The following CERS2 variants were observed in gnomAD, a reference collection of about 807,000 sequenced individuals.
The protein encoded by CERS2 is LAG1 homolog, ceramide synthase 2.
Under a neutral mutation model 56.6 loss-of-function variants are expected in CERS2, and 20 were observed. The observed-to-expected ratio is 0.35, with a 90% CI of 0.25 to 0.51. CERS2 has a LOEUF of 0.51. Ranked by LOEUF, CERS2 falls within the 20% of genes least tolerant of loss-of-function variation. The pLI is 0.96. For synonymous variants in CERS2, 187 were observed against 175.4 expected (o/e 1.07, Z -0.52); for missense variants, 361 against 488.6 (o/e 0.74, Z 2.46).
chr1:150,973,117 A>G (rs1423821816), intron 1 of CERS2: 2 of 152,272 alleles, frequency 1.3e-5, no homozygotes, highest in Non-Finnish European at 2.9e-5. Context: ...TTCAGGCAAC[A>G]GAAGCAGGTC....
In CERS2 at chr1:150,966,303, CAAG is replaced by C. The variant is rs778013552; in HGVS notation, c.1003-18_1003-16del. ...TCTTCTACCAGCTGTGGAAAAGGGA[CAAG>C]AAGGGTTATTACATGAGATCCTCAA... On this transcript the variant is annotated splice_polypyrimidine_tract_variant and intron_variant, in intron 10 of 10. Coordinates refer to ENST00000368954, the MANE Select transcript of CERS2 (RefSeq NM_022075.5). 862 of 1,611,702 alleles carry C rather than the reference CAAG, an allele frequency of 5.3e-4. 2 individuals are homozygous for C. The highest frequency in any genetic ancestry group is 7.1e-4 in the Non-Finnish European group (836 of 1,179,406).
chr1:150,973,502 C>T (rs772831050), intron 1 of CERS2, among the ~76,000 whole-genome samples: 3 of 152,218 alleles, frequency 2.0e-5, no homozygotes, highest in Non-Finnish European at 4.4e-5. Flanking sequence ...AAGTGGGGGA[C>T]CAGGGGAGAA....
intron 7 of CERS2, 71 bp downstream of exon 7, chr1:150,967,321 C>T: frequency 6.3e-6 from 9 of 1,430,528 alleles, no homozygotes; most frequent in Non-Finnish European, 8.9e-6. Context: ...ACCCAGAAGT[C>T]AAAGGAGAGG....
At chr1:150,966,394 T>G (rs587715315) in intron 10 of CERS2, 82 bp downstream of exon 10, 7 of 1,600,528 alleles carry the variant, frequency 4.4e-6, no homozygotes, top group African/African-American at 1.3e-5. Flanking sequence ...CCACACTAGT[T>G]TTTTAGAGAG....
chr1:150,966,161 C>A lies in CERS2; in HGVS notation c.1130G>T (p.Arg377Leu), dbSNP rs779228104. 6.2e-7 allele frequency: 1 copy of A among 1,610,588 alleles called. No homozygotes were observed. Among genetic ancestry groups the A allele is most frequent in the Admixed American group, 1.7e-5 (1 of 58,582 alleles). Residue 377 changes from arginine to leucine, a missense_variant, in exon 11 of 11, where the codon CGT becomes CTT. This residue lies in a region of CERS2 where 122 missense variants were observed against 151.9 expected (regional missense o/e 0.80). Transcript: ENST00000368954. ...TGGAGTAATGGTTCAGTCATTCTTA[C>A]GATGGTTGTTATTGAGGATGGGGTG... ...NGHPILNNNH[R>L]KND is the part of the protein sequence containing the mutation.
At chr1:150,974,448 C>A in intron 1 of CERS2, 171 bp downstream of exon 1, 1 of 149,488 alleles carries the variant, frequency 6.7e-6, no homozygotes, top group South Asian at 1.8e-4. Flanking sequence ...CCATGAGCGC[C>A]CGCAGCGCCC....
intron 1 of CERS2, among the ~76,000 whole-genome samples, chr1:150,973,586 G>A (rs1431275560): frequency 6.6e-6 from 1 of 152,228 alleles, no homozygotes; most frequent in African/African-American, 2.4e-5. Context: ...CAGGACTGCA[G>A]GCAAGTCCTT....
At chr1:150,973,219 G>A (rs587774324) in intron 1 of CERS2, 2 of 152,418 alleles carry the variant, frequency 1.3e-5, no homozygotes, top group East Asian at 3.9e-4. Context: ...AAGCCAGATT[G>A]TAAAAAAGAG....
chr1:150,974,114 G>C (rs1298217360), intron 1 of CERS2: 1 of 152,320 alleles, frequency 6.6e-6, no homozygotes, highest in Non-Finnish European at 1.5e-5. Flanking sequence ...ACGGTGGGCC[G>C]GTAGGAAGAA....
intron 1 of CERS2, among the ~76,000 whole-genome samples, chr1:150,973,605 G>T (rs936621411): frequency 6.6e-6 from 1 of 152,184 alleles, no homozygotes; most frequent in African/African-American, 2.4e-5. Context: ...TTACCCTTAG[G>T]AGCCCCTTTA....
intron 5 of CERS2, 47 bp from the exon 6 acceptor site, chr1:150,967,761 ATGGCCTCACC>A: frequency 6.2e-7 from 1 of 1,607,248 alleles, no homozygotes; most frequent in Non-Finnish European, 8.5e-7. Flanking sequence ...CCCAAATTCC[ATGGCCTCACC>A]TGACCTTGCC....
At chr1:150,969,143 GAGAT>G in intron 1 of CERS2, 52 bp from the exon 2 acceptor site, 1 of 1,532,666 alleles carries the variant, frequency 6.5e-7, no homozygotes, top group Non-Finnish European at 9.0e-7. Context: ...TATGGAGGAA[GAGAT>G]AGATGAATAA....
At chr1:150,974,117 AG>A (rs1401110338) in intron 1 of CERS2, 3 of 152,318 alleles carry the variant, frequency 2.0e-5, no homozygotes, top group African/African-American at 7.2e-5. Flanking sequence ...GTGGGCCGGT[AG>A]GAAGAAAACG....
chr1:150,967,355 T>G (rs912274651), intron 7 of CERS2, 37 bp downstream of exon 7: 1 of 1,462,348 alleles, frequency 6.8e-7, no homozygotes, highest in East Asian at 2.3e-5. Flanking sequence ...GGCCTCATTT[T>G]GGCTCTGAGG....
intron 3 of CERS2, 80 bp downstream of exon 3, chr1:150,968,315 G>T: frequency 1.4e-6 from 2 of 1,469,142 alleles, no homozygotes; most frequent in Non-Finnish European, 1.9e-6. Flanking sequence ...CTCTTCACCT[G>T]CCAGAGCTAA....
chr1:150,966,335 C>T lies in CERS2; in HGVS notation c.1003-47G>A, dbSNP rs200766311. The T allele has an allele frequency of 2.1e-5, 33 of 1,605,050 alleles. No individual in the cohort carries two copies. In the East Asian group the frequency reaches 7.1e-4, roughly 35 times the overall value. Reference sequence around the variant, plus strand: ...GGTTATTACATGAGATCCTCAAACCCCTAAGTACTGCTTCTCTCTGAGGGC... The same window carrying T: ...GGTTATTACATGAGATCCTCAAACCTCTAAGTACTGCTTCTCTCTGAGGGC... On this transcript the variant is annotated intron_variant, in intron 10 of 10. Transcript: ENST00000368954.
At chr1:150,968,337 T>C in intron 3 of CERS2, 58 bp downstream of exon 3, 2 of 1,515,978 alleles carry the variant, frequency 1.3e-6, no homozygotes, top group East Asian at 2.3e-5. Flanking sequence ...ATTCAAACCC[T>C]GTCCCCCCAC....
At chr1:150,968,334 C>A in intron 3 of CERS2, 61 bp downstream of exon 3, 1 of 1,512,770 alleles carries the variant, frequency 6.6e-7, no homozygotes, top group Non-Finnish European at 9.2e-7. Context: ...AACATTCAAA[C>A]CCTGTCCCCC....
At chr1:150,973,168 A>AG (rs981802464) in intron 1 of CERS2, 2 of 152,334 alleles carry the variant, frequency 1.3e-5, no homozygotes, top group African/African-American at 4.8e-5. Context: ...AGCCAATGAG[A>AG]GGTGTGTTAT....
Sources: allele counts gnomAD v4.1 joint callset (sites outside exome capture counted in the v4.1 genomes callset), GRCh38; gene constraint gnomAD v4.1.1; regional missense constraint gnomAD v4.1.1; transcripts MANE v1.5; gene names NCBI Gene and HGNC (gene_info 2026-07-23, HGNC 2026-07-21).